LYPD4: variants seen among roughly 807,000 people sequenced by gnomAD.
LYPD4 encodes LY6/PLAUR domain containing 4.
A neutral mutation model predicts 18.2 loss-of-function variants in LYPD4; 20 were observed. The ratio of observed to expected loss-of-function variants is 1.10; its 90% CI spans 0.77 to 1.59. The LOEUF is 1.59. Ranked by LOEUF, LYPD4 falls within the 40% of genes most tolerant of loss-of-function variation. The pLI, the probability that LYPD4 is intolerant of heterozygous loss-of-function variation, is 0.00. For missense variants in LYPD4, 278 were observed against 300.3 expected, an observed-to-expected ratio of 0.93 and a Z score of 0.55; for synonymous variants, 111 against 118.3, an observed-to-expected ratio of 0.94 and a Z score of 0.40.
chr19:41,838,818 G>A, intron 3 of LYPD4, 63 bp downstream of exon 3: 2 of 1,533,842 alleles, frequency 1.3e-6, no homozygotes, highest in Non-Finnish European at 1.8e-6. Context: ...CTCGGTGCTG[G>A]GAGTGGAGCT....
In LYPD4 at chr19:41,837,074, G is replaced by C. The variant is rs2073388100; in HGVS notation, c.*69C>G. ...CTCTCATGGACCACAGGACAATGCAGAAAGGGAACTCTGCTATTTTATTTG... is the reference window on the plus strand; with the variant it reads ...CTCTCATGGACCACAGGACAATGCACAAAGGGAACTCTGCTATTTTATTTG... On this transcript the variant is annotated 3_prime_UTR_variant, in exon 5 of 5. Transcript: ENST00000609812. 6 of 1,605,724 alleles carry C rather than the reference G, an allele frequency of 3.7e-6. No homozygotes were observed. Among genetic ancestry groups the C allele is most frequent in the Non-Finnish European group, 5.1e-6 (6 of 1,175,748 alleles).
chr19:41,837,052 T>A (rs2073387453), downstream of LYPD4: 2 of 1,578,298 alleles, frequency 1.3e-6, no homozygotes, highest in Non-Finnish European at 1.7e-6. Context: ...CCCTGCTCTC[T>A]CATGGACCAC....
At chr19:41,842,764 C>CAAAAAAAAAAAAAAAAAAAAAAAAAAA (rs782233081) in intron 1 of LYPD4, among the ~76,000 whole-genome samples, 7 of 49,794 alleles carry the variant, frequency 1.4e-4, no homozygotes, top group East Asian at 6.6e-4. Context: ...TCCGTCTAAA[C>CAAAAAAAAAAAAAAAAAAAAAAAAAAA]AAAAAAAAAA....
chr19:41,843,220 G>T (rs1318447507), intron 1 of LYPD4, among the ~76,000 whole-genome samples: 1 of 151,844 alleles, frequency 6.6e-6, no homozygotes. Flanking sequence ...AGTGTAGGAG[G>T]GGGTACAAAG....
At chr19:41,842,281 G>A (rs546571878) in intron 1 of LYPD4, among the ~76,000 whole-genome samples, 7 of 152,048 alleles carry the variant, frequency 4.6e-5, no homozygotes, top group Non-Finnish European at 1.0e-4. Flanking sequence ...CACCCACCTC[G>A]GCCTCCCAAA....
At position 41,837,182 on chromosome 19, in the gene LYPD4, C is replaced by T; in HGVS notation, c.702G>A (p.Trp234Ter). 6.2e-7 allele frequency: 1 copy of T among 1,613,984 alleles called. No individual in the cohort carries two copies. The highest frequency in any genetic ancestry group is 8.5e-7 in the Non-Finnish European group (1 of 1,179,916). Residue 234 changes from tryptophan (W) to a stop codon, truncating the protein, a stop_gained, in exon 5 of 5, where the codon TGG becomes TGA. Coordinates refer to ENST00000609812, the MANE Select transcript of LYPD4 (RefSeq NM_173506.7). LOFTEE classifies it high-confidence loss of function. ...CAAACAGGAGGCCTAAGACGACACC[C>T]CAAGCAGGATCTTGCCTGGAGGATG... The part of the protein sequence containing the change: ...GAASSRQDPA[W>*]GVVLGLLFAF...
chr19:41,836,268 C>T (rs1328762235), downstream of LYPD4, among the ~76,000 whole-genome samples: 1 of 116,764 alleles, frequency 8.6e-6, no homozygotes. Context: ...TTTCCTCTCT[C>T]CCCTATTTGC....
intron 1 of LYPD4, among the ~76,000 whole-genome samples, chr19:41,839,828 A>T (rs986696127): frequency 1.3e-5 from 2 of 152,132 alleles, no homozygotes; most frequent in Non-Finnish European, 2.9e-5. Context: ...AGGCAGGTGG[A>T]TCACCAGAGG....
At chr19:41,842,515 C>T (rs797037744) in intron 1 of LYPD4, among the ~76,000 whole-genome samples, 55 of 151,564 alleles carry the variant, frequency 3.6e-4, no homozygotes, top group African/African-American at 6.3e-4. Context: ...CCCAGCACTT[C>T]GGGAGGCTGA....
Position 41,843,805 on chromosome 19 carries a change from C to T in LYPD4, c.-348G>A, listed in dbSNP as rs1346320880. 1 of 145,032 alleles carries T rather than the reference C, an allele frequency of 6.9e-6. No individual in the cohort carries two copies. The highest frequency in any genetic ancestry group is 2.1e-4 in the East Asian group (1 of 4,832). 9.0% of individuals were successfully genotyped at this position (145,032 alleles called of 1,614,324 possible). A position where few individuals can be genotyped will look rare whatever the true frequency, so the allele number is the denominator to read the frequency against. ...GGGAGATTAGGCCAATCAGAGAAGA[C>T]AGCACACGCCAGCCTCAGATGCAGA... is the stretch of plus-strand genomic sequence containing the variant. On this transcript the variant is annotated 5_prime_UTR_variant, in exon 1 of 5. Coordinates refer to ENST00000609812, the MANE Select transcript of LYPD4 (RefSeq NM_173506.7).
rs1444736158 is a variant in LYPD4 at position 41,839,277 on chromosome 19, G to A, written c.9C>T (p.Pro3=). Residue 3 remains proline (P), a synonymous_variant, in exon 2 of 5, where the codon CCC becomes CCT. Transcript: ENST00000609812. MG[P]QHLRLVQLFC... is the part of the protein sequence containing the mutation. ...ACAGCTGCACAAGTCTCAAATGCTG[G>A]GGTCCCATGGCCCTGTGTCTGGGTC... 3 of 1,614,052 alleles carry A rather than the reference G, an allele frequency of 1.9e-6. No homozygotes were observed. The highest frequency in any genetic ancestry group is 2.5e-6 in the Non-Finnish European group (3 of 1,180,052).
intron 1 of LYPD4, among the ~76,000 whole-genome samples, chr19:41,841,303 G>A (rs572671909): frequency 1.3e-4 from 19 of 151,624 alleles, no homozygotes; most frequent in Non-Finnish European, 1.9e-4. Context: ...AGGACTGCTC[G>A]AGGTCAGCAA....
intron 1 of LYPD4, among the ~76,000 whole-genome samples, chr19:41,842,795 AAG>A (rs2073648690): frequency 1.5e-5 from 2 of 136,706 alleles, no homozygotes; most frequent in African/African-American, 5.2e-5. Flanking sequence ...AAAAAAAAAA[AAG>A]TACACATCAT....
At chr19:41,835,264 G>C (rs1416913089), downstream of LYPD4, 1 of 152,196 alleles carries the variant, frequency 6.6e-6, no homozygotes, top group African/African-American at 2.4e-5. Flanking sequence ...TGGGCTAAGT[G>C]ATGAGTCCAT....
intron 1 of LYPD4, among the ~76,000 whole-genome samples, chr19:41,840,288 A>G (rs1351301464): frequency 6.6e-6 from 1 of 152,026 alleles, no homozygotes; most frequent in Non-Finnish European, 1.5e-5. Context: ...TTGGCCAGGC[A>G]TGGTGGCATG....
At chr19:41,836,836 G>A (rs1422040293), downstream of LYPD4, among the ~76,000 whole-genome samples, 1 of 152,136 alleles carries the variant, frequency 6.6e-6, no homozygotes, top group Non-Finnish European at 1.5e-5. Flanking sequence ...CCATAAAAAG[G>A]GAGAGATTTG....
chr19:41,841,827 G>A (rs1459073558), intron 1 of LYPD4, among the ~76,000 whole-genome samples: 2 of 152,160 alleles, frequency 1.3e-5, no homozygotes, highest in Non-Finnish European at 2.9e-5. Flanking sequence ...CTTGGCCCCT[G>A]ATGCTCATGG....
rs1555831226 is a variant in LYPD4, at chr19:41,838,081, G to A, written c.392C>T (p.Thr131Ile). The change falls in exon 4 of 5, where the codon ACT (threonine) becomes ATT (isoleucine). Residue 131 changes from threonine (T) to isoleucine (I), a missense_variant. Thr to Ile is a moderately conservative substitution (Grantham distance 89). Transcript: ENST00000609812. Reference sequence around the variant, plus strand: ...GGACGCAGATGTGATAGACTTAGGAGTGCTGGCCTTGAGTTTCACAAAAGG... The same window carrying A: ...GGACGCAGATGTGATAGACTTAGGAATGCTGGCCTTGAGTTTCACAAAAGG... ...LEPFVKLKAS[T>I]PKSITSASCS... 4 of 1,614,176 alleles carry A rather than the reference G, an allele frequency of 2.5e-6. No homozygotes were observed. Among genetic ancestry groups the A allele is most frequent in the East Asian group, 2.2e-5 (1 of 44,874 alleles).
chr19:41,841,647 T>C (rs1485260086), intron 1 of LYPD4, among the ~76,000 whole-genome samples: 6 of 74,556 alleles, frequency 8.0e-5, no homozygotes, highest in African/African-American at 1.1e-4. Flanking sequence ...GCCTGGGCAA[T>C]AGAACAAGAC....
Sources: gnomAD v4.1 joint callset for allele counts (sites outside exome capture counted in the v4.1 genomes callset) on GRCh38, gnomAD v4.1.1 for gene constraint, MANE v1.5 for transcripts, NCBI Gene and HGNC (gene_info 2026-07-23, HGNC 2026-07-21) for gene names.